LRFN5: variants seen among roughly 807,000 people sequenced by gnomAD.
LRFN5 encodes the protein leucine-rich repeat and fibronectin type-III domain-containing protein 5.
LRFN5 carries 24 observed loss-of-function variants against 45.6 expected under a neutral mutation model. That is an observed-to-expected ratio of 0.53 (90% CI 0.38 to 0.74). The LOEUF is 0.74. Among genes scored for constraint, LRFN5 ranks in the 30% least tolerant of loss-of-function variants. LRFN5 has a pLI of 0.00. For synonymous variants in LRFN5, 340 were observed against 313.8 expected (o/e 1.08, Z -0.88); for missense variants, 776 against 861.5 (o/e 0.90, Z 1.24).
intron 2 of LRFN5, among the ~76,000 whole-genome samples, chr14:41,827,347 A>G (rs2139025722): frequency 6.6e-6 from 1 of 152,206 alleles, no homozygotes; most frequent in East Asian, 1.9e-4. Context: ...TCTAATTTTC[A>G]AGAAGAAGTA....
Position 41,863,830 on chromosome 14 carries a change from C to T in LRFN5, c.-20-22776C>T, listed in dbSNP as rs758158341. ...GTATTTCTCCTAATGCCATCCCTCC[C>T]CTAGCCCCCAACCCCCAACAGGCCC... On this transcript the variant is annotated intron_variant, in intron 2 of 5. Transcript: ENST00000298119. Among the ~76,000 whole-genome samples, 229 of 152,214 alleles carry T rather than the reference C, an allele frequency of 1.5e-3. 1 individual carries two copies. The highest frequency in any genetic ancestry group is 2.6e-3 in the Non-Finnish European group (180 of 68,018).
chr14:41,836,065 C>A (rs893868113), intron 2 of LRFN5, among the ~76,000 whole-genome samples: 1 of 152,062 alleles, frequency 6.6e-6, no homozygotes, highest in South Asian at 2.1e-4. Flanking sequence ...GATCTTCCAC[C>A]TTTAAAAGAA....
At chr14:41,655,873 T>A (rs1330450183) in intron 1 of LRFN5, among the ~76,000 whole-genome samples, 1 of 152,024 alleles carries the variant, frequency 6.6e-6, no homozygotes, top group African/African-American at 2.4e-5. Flanking sequence ...ATGATAAGGA[T>A]TACATAGTTC....
chr14:41,656,762 C>T (rs1010032014), intron 1 of LRFN5, among the ~76,000 whole-genome samples: 2 of 151,462 alleles, frequency 1.3e-5, no homozygotes, highest in African/African-American at 4.8e-5. Context: ...GAGCGTTGAT[C>T]GCTTATGTAA....
intron 2 of LRFN5, among the ~76,000 whole-genome samples, chr14:41,792,422 C>A (rs185693221): frequency 6.6e-5 from 10 of 152,054 alleles, no homozygotes; most frequent in Non-Finnish European, 1.5e-4. Context: ...TTTCCCCACC[C>A]TAATAAGCCT....
intron 2 of LRFN5, among the ~76,000 whole-genome samples, chr14:41,789,008 A>G (rs1886826181): frequency 1.3e-5 from 2 of 152,146 alleles, no homozygotes; most frequent in African/African-American, 4.8e-5. Flanking sequence ...TTCTTTAAAA[A>G]TACCTAATTT....
At chr14:41,785,862 T>C (rs1213124932) in intron 2 of LRFN5, among the ~76,000 whole-genome samples, 1 of 152,090 alleles carries the variant, frequency 6.6e-6, no homozygotes, top group Non-Finnish European at 1.5e-5. Context: ...CCTATGAGAA[T>C]CTAACGCCAT....
At chr14:41,879,677 A>G (rs1566500294) in intron 2 of LRFN5, among the ~76,000 whole-genome samples, 1 of 149,900 alleles carries the variant, frequency 6.7e-6, no homozygotes, top group Non-Finnish European at 1.5e-5. Context: ...TTTGATTTTG[A>G]ATTCAGTTTC....
At chr14:41,682,571 C>T (rs989984975) in intron 1 of LRFN5, among the ~76,000 whole-genome samples, 8 of 151,654 alleles carry the variant, frequency 5.3e-5, no homozygotes, top group East Asian at 1.9e-4. Flanking sequence ...ATATTTAGCT[C>T]GACTGCATAA....
chr14:41,853,416 C>T (rs1019838441), intron 2 of LRFN5, among the ~76,000 whole-genome samples: 5 of 151,738 alleles, frequency 3.3e-5, no homozygotes, highest in East Asian at 1.9e-4. Context: ...TCAAGTTAAG[C>T]GTGTATTTTC....
At chr14:41,720,663 T>A (rs377388133) in intron 1 of LRFN5, among the ~76,000 whole-genome samples, 15 of 152,134 alleles carry the variant, frequency 9.9e-5, no homozygotes, top group African/African-American at 3.6e-4. Flanking sequence ...AGGAGCAAGT[T>A]GTTTAATTTC....
At chr14:41,894,846 T>C (rs1334158102) in intron 4 of LRFN5, 2 of 981,410 alleles carry the variant, frequency 2.0e-6, no homozygotes, top group African/African-American at 3.5e-5. Context: ...AAATTCTCTG[T>C]CCTTTTCTTG....
intron 2 of LRFN5, among the ~76,000 whole-genome samples, chr14:41,858,832 G>A (rs896662197): frequency 1.3e-5 from 2 of 151,946 alleles, no homozygotes; most frequent in African/African-American, 4.8e-5. Flanking sequence ...TCTTATTTGG[G>A]CTCTCCAGGC....
intron 4 of LRFN5, among the ~76,000 whole-genome samples, chr14:41,897,010 T>C (rs773472494): frequency 6.6e-6 from 1 of 151,668 alleles, no homozygotes; most frequent in African/African-American, 2.4e-5. Flanking sequence ...GAGAATCACT[T>C]GAACCCTGGA....
At chr14:41,697,854 CATAG>C (rs905624782) in intron 1 of LRFN5, among the ~76,000 whole-genome samples, 5 of 151,632 alleles carry the variant, frequency 3.3e-5, no homozygotes, top group African/African-American at 1.2e-4. Context: ...TATTTTATAT[CATAG>C]ATATAGTGAG....
At chr14:41,760,877 A>C (rs1435264466) in intron 1 of LRFN5, among the ~76,000 whole-genome samples, 1 of 152,120 alleles carries the variant, frequency 6.6e-6, no homozygotes, top group Non-Finnish European at 1.5e-5. Context: ...AACCTCCATG[A>C]ATACACTAAC....
intron 1 of LRFN5, among the ~76,000 whole-genome samples, chr14:41,693,858 C>T (rs561640715): frequency 2.6e-5 from 4 of 151,920 alleles, no homozygotes; most frequent in Middle Eastern, 3.2e-3. Context: ...AGGGAGAAAG[C>T]GTTCAGTGTC....
chr14:41,796,311 T>C (rs1380627246), intron 2 of LRFN5, among the ~76,000 whole-genome samples: 1 of 151,972 alleles, frequency 6.6e-6, no homozygotes, highest in Non-Finnish European at 1.5e-5. Context: ...CATAAACTTG[T>C]TATTCAGATA....
intron 1 of LRFN5, among the ~76,000 whole-genome samples, chr14:41,738,533 G>C (rs912839382): frequency 6.6e-6 from 1 of 152,138 alleles, no homozygotes; most frequent in African/African-American, 2.4e-5. Flanking sequence ...ACAGGATTCT[G>C]GGTATAGAAT....
Sources: allele counts gnomAD v4.1 joint callset (sites outside exome capture counted in the v4.1 genomes callset), GRCh38; gene constraint gnomAD v4.1.1; transcripts MANE v1.5; gene names NCBI Gene and HGNC (gene_info 2026-07-23, HGNC 2026-07-21).